Variants in IFNG-AS1 observed in about 807,000 individuals in gnomAD.
The protein encoded by IFNG-AS1 is IFNG regulatory antisense RNA 1, also known as IFNG antisense RNA 1 (non-protein coding).
intron 3 of IFNG-AS1, among the ~76,000 whole-genome samples, chr12:68,017,185 A>G (rs1298302968): frequency 6.6e-6 from 1 of 152,168 alleles, no homozygotes; most frequent in Non-Finnish European, 1.5e-5. Context: ...AGCTTGTCAC[A>G]TTGGAGGAAG....
At chr12:68,012,460 G>A (rs953176622) in intron 3 of IFNG-AS1, among the ~76,000 whole-genome samples, 39 of 152,170 alleles carry the variant, frequency 2.6e-4, no homozygotes, top group African/African-American at 9.4e-4. Context: ...TGCTCAACCA[G>A]GGGAATGCTG....
At chr12:68,021,182 CAT>C (rs1184809689) in intron 4 of IFNG-AS1, 1 of 152,110 alleles carries the variant, frequency 6.6e-6, no homozygotes. Context: ...TTTATATATA[CAT>C]AGTTTGTTTT....
intron 3 of IFNG-AS1, among the ~76,000 whole-genome samples, chr12:68,017,709 T>C (rs1003437531): frequency 1.3e-5 from 2 of 152,172 alleles, no homozygotes; most frequent in Non-Finnish European, 2.9e-5. Context: ...CTCTGATGGC[T>C]GACCCTATTT....
chr12:67,999,702 G>T (rs1414827684), intron 2 of IFNG-AS1, among the ~76,000 whole-genome samples: 22 of 152,140 alleles, frequency 1.4e-4, no homozygotes, highest in Non-Finnish European at 8.8e-5. Context: ...TATAATTAAC[G>T]AGTGTCAAAT....
chr12:67,998,675 C>T (rs1879698076), intron 2 of IFNG-AS1, among the ~76,000 whole-genome samples: 1 of 151,556 alleles, frequency 6.6e-6, no homozygotes, highest in Non-Finnish European at 1.5e-5. Context: ...AAGGGAGAAC[C>T]CAAAATTCAA....
rs548991588 is a variant in IFNG-AS1, at chr12:68,008,314, G to T, written n.241+2168G>T. On this transcript the variant is annotated intron_variant and non_coding_transcript_variant, in intron 3 of 5. Coordinates refer to ENST00000536914, the Ensembl canonical transcript of IFNG-AS1. ...GCCTGTAGTCCCAGCTACTCGGGAGGCTGAGGCAGGAGAATGGCGTGAACC... is the reference window on the plus strand; with the variant it reads ...GCCTGTAGTCCCAGCTACTCGGGAGTCTGAGGCAGGAGAATGGCGTGAACC... 3.3e-5 allele frequency among the ~76,000 whole-genome samples: 5 copies of T among 152,154 alleles called. No individual in the cohort carries two copies. In the East Asian group the frequency reaches 9.7e-4, roughly 30 times the overall value.
At chr12:68,014,893 C>T (rs373049724) in intron 3 of IFNG-AS1, among the ~76,000 whole-genome samples, 2 of 152,112 alleles carry the variant, frequency 1.3e-5, no homozygotes, top group East Asian at 3.9e-4. Context: ...AGAATGGCGT[C>T]TATTTTCAGA....
chr12:68,014,336 A>T (rs1283572596), intron 3 of IFNG-AS1, among the ~76,000 whole-genome samples: 1 of 152,112 alleles, frequency 6.6e-6, no homozygotes. Flanking sequence ...TGGTAGTTTT[A>T]CTTTTAGTTC....
intron 2 of IFNG-AS1, among the ~76,000 whole-genome samples, chr12:67,997,783 A>C (rs1188058722): frequency 4.6e-5 from 7 of 151,946 alleles, no homozygotes; most frequent in African/African-American, 1.7e-4. Context: ...TAATATATTA[A>C]AAACTCCTAA....
intron 2 of IFNG-AS1, among the ~76,000 whole-genome samples, chr12:68,005,017 G>A (rs940489163): frequency 6.6e-6 from 1 of 152,112 alleles, no homozygotes; most frequent in Non-Finnish European, 1.5e-5. Flanking sequence ...TTTCTGAGGT[G>A]ACATTTATAG....
chr12:68,001,788 T>G (rs1250900649), intron 2 of IFNG-AS1, among the ~76,000 whole-genome samples: 1 of 152,114 alleles, frequency 6.6e-6, no homozygotes, highest in Non-Finnish European at 1.5e-5. Context: ...AAAAATGAAC[T>G]CAAACCCTAA....
In IFNG-AS1 at chr12:68,019,396, G is replaced by A. The variant is rs145877035; in HGVS notation, n.242-466G>A. 3.0e-3 allele frequency among the ~76,000 whole-genome samples: 460 copies of A among 152,280 alleles called. 1 individual carries two copies. The highest frequency in any genetic ancestry group is 0.01 in the African/African-American group (425 of 41,548). On this transcript the variant is annotated intron_variant and non_coding_transcript_variant, in intron 3 of 5. Coordinates refer to ENST00000536914, the Ensembl canonical transcript of IFNG-AS1. ...CAGAAAGGTTTTGTAATGGATACAA[G>A]TTACTAAAGAGCCGAGCCAGAATTC...
chr12:68,002,112 C>A (rs1879782847), intron 2 of IFNG-AS1, among the ~76,000 whole-genome samples: 2 of 152,182 alleles, frequency 1.3e-5, no homozygotes, highest in Admixed American at 6.5e-5. Context: ...TTAATGCAAT[C>A]TTTATCTAGC....
chr12:67,999,871 C>T (rs1162456193), intron 2 of IFNG-AS1, among the ~76,000 whole-genome samples: 1 of 152,140 alleles, frequency 6.6e-6, no homozygotes, highest in Non-Finnish European at 1.5e-5. Flanking sequence ...GCAGACACTA[C>T]CTTAACCAAG....
At chr12:68,019,966 A>G (rs1350306435) in intron 4 of IFNG-AS1, 2 of 152,182 alleles carry the variant, frequency 1.3e-5, no homozygotes, top group Non-Finnish European at 2.9e-5. Context: ...CAGTTGGGAA[A>G]GTCTTTGAAG....
chr12:68,019,129 A>G (rs1322669121), intron 3 of IFNG-AS1, among the ~76,000 whole-genome samples: 1 of 152,174 alleles, frequency 6.6e-6, no homozygotes, highest in African/African-American at 2.4e-5. Flanking sequence ...GCAAATGGAC[A>G]CAACAGGAGG....
intron 3 of IFNG-AS1, among the ~76,000 whole-genome samples, chr12:68,014,256 C>T (rs578118586): frequency 6.6e-6 from 1 of 152,292 alleles, no homozygotes; most frequent in Admixed American, 6.5e-5. Context: ...AACGTGTGTG[C>T]AAGTATGTTT....
intron 3 of IFNG-AS1, among the ~76,000 whole-genome samples, chr12:68,014,232 G>T (rs890573568): frequency 6.6e-6 from 1 of 152,208 alleles, no homozygotes; most frequent in Admixed American, 6.5e-5. Flanking sequence ...GCAATTGCAA[G>T]TTGTGCTGCT....
Position 68,000,134 on chromosome 12 carries a change from A to G in IFNG-AS1, n.184+4061A>G, listed in dbSNP as rs897150368. ...TATCAATGTTAGTTTCTTGATTTTG[A>G]AAATTATACTGTGGTAAAGTAAAAT... On this transcript the variant is annotated intron_variant and non_coding_transcript_variant, in intron 2 of 5. Coordinates refer to ENST00000536914, the Ensembl canonical transcript of IFNG-AS1. 2.6e-5 allele frequency among the ~76,000 whole-genome samples: 4 copies of G among 152,206 alleles called. No individual in the cohort carries two copies. In the East Asian group the frequency reaches 7.7e-4, roughly 29 times the overall value.
Sources: allele counts gnomAD v4.1 joint callset (sites outside exome capture counted in the v4.1 genomes callset), GRCh38; gene constraint gnomAD v4.1.1; transcripts MANE v1.5; gene names NCBI Gene and HGNC (gene_info 2026-07-23, HGNC 2026-07-21).